The following TDRD7 variants were observed in gnomAD, a reference collection of about 807,000 sequenced individuals.
TDRD7 encodes tudor domain containing 7.
TDRD7 carries 47 observed loss-of-function variants against 109.8 expected under a neutral mutation model. The ratio of observed to expected loss-of-function variants is 0.43; its 90% CI spans 0.34 to 0.55. TDRD7 has a LOEUF of 0.55. Ranked by LOEUF, TDRD7 falls within the 20% of genes least tolerant of loss-of-function variation. The pLI is 0.03. For missense variants in TDRD7, 1,164 were observed against 1,319.2 expected (o/e 0.88, Z 1.82); for synonymous variants, 424 against 457.3 (o/e 0.93, Z 0.93).
intron 6 of TDRD7, among the ~76,000 whole-genome samples, chr9:97,449,141 G>C (rs2118415140): frequency 6.6e-6 from 1 of 152,140 alleles, no homozygotes; most frequent in East Asian, 1.9e-4. Flanking sequence ...TTAAGTTTTT[G>C]GGCCTGTTTT....
rs748005832 is a variant in TDRD7, at chr9:97,483,176, A to G, written c.2740A>G (p.Met914Val). The G allele has an allele frequency of 1.2e-6, 2 of 1,614,150 alleles. No individual in the cohort carries two copies. Among genetic ancestry groups the G allele is most frequent in the East Asian group, 4.5e-5 (2 of 44,882 alleles). ...CCACTTATCAAAGCCAGGGGAACAC[A>G]TGGATGTGTATGTGCCTGTGGCCTG... ...PVHLSKPGEH[M>V]DVYVPVACHP... The change falls in exon 15 of 17, where the codon ATG (methionine) becomes GTG (valine). Residue 914 changes from methionine to valine, a missense_variant. By Grantham distance (21) the Met-to-Val change is conservative (BLOSUM62 1). This residue lies in a region of TDRD7 where 233 missense variants were observed against 218.0 expected (regional missense o/e 1.07). Coordinates refer to ENST00000355295, the MANE Select transcript of TDRD7 (RefSeq NM_014290.3).
chr9:97,424,869 T>C (rs1470509639), intron 1 of TDRD7, among the ~76,000 whole-genome samples: 3 of 152,082 alleles, frequency 2.0e-5, no homozygotes, highest in Non-Finnish European at 4.4e-5. Context: ...CTTTTTCCTG[T>C]CTAATTTTTT....
At chr9:97,473,192 G>A (rs1434404018) in intron 10 of TDRD7, among the ~76,000 whole-genome samples, 1 of 152,110 alleles carries the variant, frequency 6.6e-6, no homozygotes, top group Non-Finnish European at 1.5e-5. Flanking sequence ...TAAATGGGGA[G>A]AAAATAAACC....
rs369962610 is a variant in TDRD7, at chr9:97,417,433, C to G, written c.-7+5195C>G. Among the ~76,000 whole-genome samples, 15 of 152,260 alleles carry G rather than the reference C, an allele frequency of 9.9e-5. No individual in the cohort carries two copies. In the East Asian group the frequency reaches 1.2e-3, roughly 12 times the overall value. On this transcript the variant is annotated intron_variant, in intron 1 of 16. Coordinates refer to ENST00000355295, the MANE Select transcript of TDRD7 (RefSeq NM_014290.3). ...AGGAGGTGAAGTGGAAGCAGAGAGA[C>G]CAGCTAAGAGCCCAGCTGCTCTGCT...
In TDRD7 at chr9:97,420,356, CT is replaced by C. The variant is rs1244659648; in HGVS notation, c.-6-8096del. 9.2e-4 allele frequency among the ~76,000 whole-genome samples: 27 copies of C among 29,484 alleles called. 1 individual carries two copies. Among genetic ancestry groups the C allele is most frequent in the African/African-American group, 3.9e-3 (24 of 6,206 alleles). 19.3% of individuals were successfully genotyped at this position (29,484 alleles called of 152,430 possible). Reference sequence around the variant, plus strand: ...CACAGAGAAGCATAGCTTAAAAGAACTTTTTTTTGGGGGGGGCGGGTGGGGG... The same window carrying C: ...CACAGAGAAGCATAGCTTAAAAGAACTTTTTTTGGGGGGGGCGGGTGGGGG... On this transcript the variant is annotated intron_variant, in intron 1 of 16. Transcript: ENST00000355295.
intron 15 of TDRD7, among the ~76,000 whole-genome samples, chr9:97,484,488 A>C (rs554402699): frequency 0.053 from 7,933 of 149,036 alleles, 326 homozygotes; most frequent in Non-Finnish European, 0.081. Context: ...ACACACACAC[A>C]CACACCCCAA....
At chr9:97,431,139 T>C (rs919367900) in intron 3 of TDRD7, 65 bp downstream of exon 3, 2 of 1,596,726 alleles carry the variant, frequency 1.3e-6, no homozygotes, top group African/African-American at 2.7e-5. Context: ...TAGGGAATTA[T>C]GGAAATATTG....
rs986243249 is a variant in TDRD7 at position 97,412,115 on chromosome 9, G to C, written c.-130G>C. ...GGGCTTGAGGTGATTCCCAAGCCGC[G>C]GGGCGGCTCCGGTGGTGCGGGGAAA... On this transcript the variant is annotated 5_prime_UTR_variant, in exon 1 of 17. Transcript: ENST00000355295. The surrounding 1 kb of genome is among the most constrained non-coding windows in gnomAD (Gnocchi z 4.3). 7.2e-5 allele frequency: 11 copies of C among 153,018 alleles called. No homozygotes were observed. The highest frequency in any genetic ancestry group is 2.2e-4 in the African/African-American group (9 of 41,416). 9.5% of individuals were successfully genotyped at this position (153,018 alleles called of 1,614,324 possible). A position where few individuals can be genotyped will look rare whatever the true frequency, so the allele number is the denominator to read the frequency against.
chr9:97,482,715 T>A, intron 14 of TDRD7, 134 bp from the exon 15 acceptor site: 1 of 905,180 alleles, frequency 1.1e-6, no homozygotes. Flanking sequence ...ATAATTTATT[T>A]TTCCTTAAAT....
chr9:97,446,721 G>C (rs921887799), intron 6 of TDRD7, among the ~76,000 whole-genome samples: 1 of 152,112 alleles, frequency 6.6e-6, no homozygotes, highest in Admixed American at 6.6e-5. Context: ...ATTTGGGGAT[G>C]TTCAGGAATC....
At chr9:97,486,268 C>G (rs1004723808) in intron 15 of TDRD7, among the ~76,000 whole-genome samples, 6 of 152,184 alleles carry the variant, frequency 3.9e-5, no homozygotes, top group Admixed American at 3.9e-4. Context: ...ATCTTCCTTT[C>G]CTTCATGTAG....
chr9:97,465,256 A>G (rs1828803103), intron 8 of TDRD7, among the ~76,000 whole-genome samples: 1 of 152,214 alleles, frequency 6.6e-6, no homozygotes, highest in African/African-American at 2.4e-5. Flanking sequence ...TAAATTCCCC[A>G]TGGGAGTATT....
intron 7 of TDRD7, among the ~76,000 whole-genome samples, chr9:97,461,367 C>T (rs1375243203): frequency 6.6e-6 from 1 of 152,080 alleles, no homozygotes; most frequent in Non-Finnish European, 1.5e-5. Flanking sequence ...AAGGCAAGTG[C>T]CCTACACACT....
At chr9:97,478,374 T>C in intron 12 of TDRD7, 65 bp from the exon 13 acceptor site, 1 of 1,589,232 alleles carries the variant, frequency 6.3e-7, no homozygotes, top group Non-Finnish European at 8.6e-7. Flanking sequence ...CAAAATGTAA[T>C]TGCACAGAAG....
At position 97,462,505 on chromosome 9, in the gene TDRD7, CT is replaced by C. The variant is rs546557585; in HGVS notation, c.1442+1742del. Among the ~76,000 whole-genome samples the C allele has an allele frequency of 1.5e-3, 222 of 152,304 alleles. 1 individual carries two copies. Among genetic ancestry groups the C allele is most frequent in the African/African-American group, 5.2e-3 (216 of 41,558 alleles). ...CCACCAGACTGAACCCTGTTCTGTA[CT>C]GGCATCTTCACCCAGGCAGGCAGTA... On this transcript the variant is annotated intron_variant, in intron 7 of 16. Coordinates refer to ENST00000355295, the MANE Select transcript of TDRD7 (RefSeq NM_014290.3).
chr9:97,431,426 A>G (rs1828102407), intron 3 of TDRD7, among the ~76,000 whole-genome samples: 3 of 152,318 alleles, frequency 2.0e-5, no homozygotes, highest in Admixed American at 2.0e-4. Flanking sequence ...TTGACAAATT[A>G]TGTCTTCTGG....
intron 13 of TDRD7, 64 bp downstream of exon 13, chr9:97,478,637 T>C: frequency 6.2e-7 from 1 of 1,603,590 alleles, no homozygotes; most frequent in African/African-American, 1.3e-5. Flanking sequence ...AATCTTATTG[T>C]AAGATGCCTT....
chr9:97,450,567 G>A (rs918676774), intron 6 of TDRD7, among the ~76,000 whole-genome samples: 10 of 152,158 alleles, frequency 6.6e-5, no homozygotes, highest in African/African-American at 2.4e-4. Flanking sequence ...TGAGGCAGGA[G>A]ATGAACATGT....
chr9:97,456,601 G>A (rs1479256608), intron 6 of TDRD7, among the ~76,000 whole-genome samples: 1 of 152,166 alleles, frequency 6.6e-6, no homozygotes, highest in African/African-American at 2.4e-5. Flanking sequence ...AAATGATGCT[G>A]GGAAAACTGG....
Sources: allele counts gnomAD v4.1 joint callset (sites outside exome capture counted in the v4.1 genomes callset), GRCh38; gene constraint gnomAD v4.1.1; regional missense constraint gnomAD v4.1.1; non-coding constraint Gnocchi (gnomAD v3.1); transcripts MANE v1.5; gene names NCBI Gene and HGNC (gene_info 2026-07-23, HGNC 2026-07-21).